Variants in ADRA1A observed in about 807,000 individuals in gnomAD.
The protein encoded by ADRA1A is adrenoceptor alpha 1A.
A neutral mutation model predicts 29.6 loss-of-function variants in ADRA1A; 31 were observed. That is an observed-to-expected ratio of 1.05 (90% confidence interval 0.79 to 1.41). The LOEUF (loss-of-function observed/expected upper bound fraction) is 1.41, where lower values mean the gene tolerates loss of function less well. ADRA1A is among the 40% of genes most tolerant of loss of function. The probability of loss-of-function intolerance (pLI) is 0.00; values close to 1 mark genes in which losing one functional copy is unlikely to be tolerated. For synonymous variants in ADRA1A, 311 were observed against 254.3 expected, an observed-to-expected ratio of 1.22 and a Z score of -2.12; for missense variants, 619 against 601.1, an observed-to-expected ratio of 1.03 and a Z score of -0.31.
chr8:26,800,296 A>G (rs1297714178), intron 2 of ADRA1A, among the ~76,000 whole-genome samples: 1 of 152,130 alleles, frequency 6.6e-6, no homozygotes, highest in African/African-American at 2.4e-5. Context: ...TCAAAACAAT[A>G]TTACATTAGC....
chr8:26,771,301 C>G (rs960478358), intron 2 of ADRA1A, among the ~76,000 whole-genome samples: 6 of 152,364 alleles, frequency 3.9e-5, no homozygotes, highest in Middle Eastern at 3.4e-3. Context: ...AAATGTGTGT[C>G]TTTGCTTCAC....
At chr8:26,756,479 A>G in exon 3 of ADRA1A, 1 of 1,441,510 alleles carries the variant, frequency 6.9e-7, no homozygotes, top group East Asian at 2.6e-5. Flanking sequence ...ACTGATTTAC[A>G]AAAAATCGAG....
downstream of ADRA1A, among the ~76,000 whole-genome samples, chr8:26,751,508 A>T (rs1371449161): frequency 6.6e-6 from 1 of 152,244 alleles, no homozygotes; most frequent in Non-Finnish European, 1.5e-5. Flanking sequence ...GTAAAGGAAC[A>T]GAGTTAACCC....
intron 2 of ADRA1A, among the ~76,000 whole-genome samples, chr8:26,816,368 T>C (rs1377306294): frequency 1.3e-5 from 2 of 152,198 alleles, no homozygotes; most frequent in East Asian, 1.9e-4. Context: ...ACTCCTCTCC[T>C]GAGACCCAAG....
intron 2 of ADRA1A, among the ~76,000 whole-genome samples, chr8:26,786,427 G>A (rs938401583): frequency 4.0e-5 from 6 of 151,612 alleles, no homozygotes; most frequent in African/African-American, 7.3e-5. Flanking sequence ...GTAGAGACAG[G>A]GTTTCACCAT....
chr8:26,854,070 G>GCCACTAGA (rs1812823152), intron 2 of ADRA1A: 1 of 152,072 alleles, frequency 6.6e-6, no homozygotes, highest in Admixed American at 6.6e-5. Context: ...GAAGGTGGAT[G>GCCACTAGA]CCACTCTGGA....
rs1585785734 is a variant in ADRA1A at position 26,831,153 on chromosome 8, C to T, written c.883+32934G>A. On this transcript the variant is annotated intron_variant, in intron 2 of 2. Coordinates refer to ENST00000380573, the MANE Select transcript of ADRA1A (RefSeq NM_000680.4). The surrounding 1 kb of genome is among the most constrained non-coding windows in gnomAD (Gnocchi z 5.2). ...TCCTTGGCAGCAAAGGCAAGATCCCCTGCTGACTTGTCAAACTCTCATATG... is the reference window on the plus strand; with the variant it reads ...TCCTTGGCAGCAAAGGCAAGATCCCTTGCTGACTTGTCAAACTCTCATATG... 6.6e-6 allele frequency among the ~76,000 whole-genome samples: 1 copy of T among 152,274 alleles called. No homozygotes were observed. The highest frequency in any genetic ancestry group is 1.9e-4 in the East Asian group (1 of 5,188).
chr8:26,860,352 C>T lies in ADRA1A; in HGVS notation c.883+3735G>A, dbSNP rs1291158752. Among the ~76,000 whole-genome samples, 1 of 152,180 alleles carries T rather than the reference C, an allele frequency of 6.6e-6. No individual in the cohort carries two copies. The highest frequency in any genetic ancestry group is 1.5e-5 in the Non-Finnish European group (1 of 68,034). On this transcript the variant is annotated intron_variant, in intron 2 of 2. Coordinates refer to ENST00000380573, the MANE Select transcript of ADRA1A (RefSeq NM_000680.4). This position sits in a 1 kb window ranked among gnomAD's most constrained non-coding sequence, Gnocchi z 4.7. ...CAACCTGGCTGTGGATGCTCCCTAA[C>T]CTGACCGAGTCTGTGTCTCTTCACA... is the stretch of plus-strand genomic sequence containing the variant.
chr8:26,749,031 G>A (rs754943916), intron 2 of ADRA1A, among the ~76,000 whole-genome samples: 1 of 152,144 alleles, frequency 6.6e-6, no homozygotes, highest in African/African-American at 2.4e-5. Flanking sequence ...AATTTGTTAG[G>A]GGAGGTATCA....
chr8:26,850,685 T>A (rs540381990), intron 2 of ADRA1A, among the ~76,000 whole-genome samples: 1 of 152,238 alleles, frequency 6.6e-6, no homozygotes, highest in African/African-American at 2.4e-5. Flanking sequence ...AGAGACGGGG[T>A]TTCACCTTGT....
At chr8:26,759,853 G>C (rs1805406561) in intron 2 of ADRA1A, among the ~76,000 whole-genome samples, 1 of 152,232 alleles carries the variant, frequency 6.6e-6, no homozygotes, top group Non-Finnish European at 1.5e-5. Context: ...TTTTGGGCTT[G>C]AAAAGACAGA....
intron 2 of ADRA1A, among the ~76,000 whole-genome samples, chr8:26,843,983 A>G (rs1279317176): frequency 6.6e-6 from 1 of 152,206 alleles, no homozygotes; most frequent in Non-Finnish European, 1.5e-5. Context: ...AGATTTAAAA[A>G]TCATGGGAGT....
At chr8:26,765,896 T>C (rs540399632), downstream of ADRA1A, 5 of 1,424,060 alleles carry the variant, frequency 3.5e-6, no homozygotes, top group South Asian at 6.4e-5. Flanking sequence ...TCCTAAAATG[T>C]TCTCACTACC....
intron 2 of ADRA1A, among the ~76,000 whole-genome samples, chr8:26,844,302 G>A (rs963667602): frequency 1.2e-4 from 18 of 152,100 alleles, no homozygotes; most frequent in South Asian, 6.2e-4. Context: ...ATTATTAATC[G>A]AGAACTTGCA....
intron 2 of ADRA1A, among the ~76,000 whole-genome samples, chr8:26,759,660 T>C (rs1369204444): frequency 6.6e-6 from 1 of 152,218 alleles, no homozygotes; most frequent in Non-Finnish European, 1.5e-5. Flanking sequence ...GATGCTCAGC[T>C]TTTGATTAAT....
intron 2 of ADRA1A, among the ~76,000 whole-genome samples, chr8:26,843,798 A>C (rs1398862512): frequency 6.6e-6 from 1 of 152,220 alleles, no homozygotes; most frequent in African/African-American, 2.4e-5. Flanking sequence ...GAACTGATTC[A>C]AGTGCAATAT....
chr8:26,813,531 T>TCCAC (rs1809562524), intron 2 of ADRA1A, among the ~76,000 whole-genome samples: 1 of 150,728 alleles, frequency 6.6e-6, no homozygotes, highest in African/African-American at 2.4e-5. Context: ...CATCCATCCA[T>TCCAC]CCACCTATTA....
intron 2 of ADRA1A, among the ~76,000 whole-genome samples, chr8:26,850,169 A>G (rs1201547970): frequency 6.6e-6 from 1 of 152,116 alleles, no homozygotes; most frequent in Non-Finnish European, 1.5e-5. Context: ...CTCAAGCAAT[A>G]GCAATGAAAA....
chr8:26,769,157 T>C lies in ADRA1A; in HGVS notation c.*992A>G. The C allele has an allele frequency of 1.0e-6, 1 of 985,424 alleles. No homozygotes were observed. Among genetic ancestry groups the C allele is most frequent in the Non-Finnish European group, 1.2e-6 (1 of 829,910 alleles). 61.0% of individuals were successfully genotyped at this position (985,424 alleles called of 1,614,324 possible). On this transcript the variant is annotated 3_prime_UTR_variant, in exon 3 of 3. Transcript: ENST00000380573. ...GGAGACAATCTTTTGCCTTTCAAAA[T>C]ATTATAAGCTCTGGATTTTCATAAC...
Sources: allele counts gnomAD v4.1 joint callset (sites outside exome capture counted in the v4.1 genomes callset), GRCh38; gene constraint gnomAD v4.1.1; non-coding constraint Gnocchi (gnomAD v3.1); transcripts MANE v1.5; gene names NCBI Gene and HGNC (gene_info 2026-07-23, HGNC 2026-07-21).